The following PDE8A variants were observed in gnomAD, a reference collection of about 807,000 sequenced individuals.
PDE8A encodes phosphodiesterase 8A.
A neutral mutation model predicts 105.0 loss-of-function variants in PDE8A; 59 were observed. That is an observed-to-expected ratio of 0.56 (90% CI 0.46 to 0.70). The LOEUF (loss-of-function observed/expected upper bound fraction) is 0.70, where lower values mean the gene tolerates loss of function less well. PDE8A is among the 30% of genes least tolerant of loss of function. The pLI is 0.00. For missense variants in PDE8A, 1,014 were observed against 1,045.9 expected (o/e 0.97, Z 0.42); for synonymous variants, 355 against 371.9 (o/e 0.95, Z 0.52).
chr15:84,999,452 C>T (rs2080031477), intron 1 of PDE8A, among the ~76,000 whole-genome samples: 1 of 152,074 alleles, frequency 6.6e-6, no homozygotes, highest in Non-Finnish European at 1.5e-5. Context: ...TAAAATATTC[C>T]CTCATTCATT....
At chr15:85,127,950 G>A (rs2082279799) in intron 20 of PDE8A, among the ~76,000 whole-genome samples, 2 of 151,504 alleles carry the variant, frequency 1.3e-5, no homozygotes, top group African/African-American at 4.9e-5. Context: ...GTACAACCAT[G>A]GGACAGAATA....
intron 12 of PDE8A, among the ~76,000 whole-genome samples, chr15:85,110,782 C>G (rs1212527138): frequency 1.3e-5 from 2 of 152,130 alleles, no homozygotes; most frequent in African/African-American, 4.8e-5. Context: ...CATCTTCTCC[C>G]TAGAAGTGGG....
intron 1 of PDE8A, among the ~76,000 whole-genome samples, chr15:85,015,822 T>C (rs1448002703): frequency 1.3e-5 from 2 of 152,166 alleles, no homozygotes; most frequent in African/African-American, 2.4e-5. Flanking sequence ...TTTCCATTTC[T>C]TTATTTCTCC....
chr15:85,022,034 A>G (rs544252486), intron 1 of PDE8A, among the ~76,000 whole-genome samples: 1 of 152,222 alleles, frequency 6.6e-6, no homozygotes, highest in African/African-American at 2.4e-5. Context: ...TTTTAAGACT[A>G]TATACAAATT....
intron 1 of PDE8A, among the ~76,000 whole-genome samples, chr15:85,026,033 C>T (rs1025181927): frequency 6.6e-6 from 1 of 152,142 alleles, no homozygotes; most frequent in African/African-American, 2.4e-5. Flanking sequence ...CTGTTGAGTG[C>T]CAGGCTTCAA....
intron 8 of PDE8A, among the ~76,000 whole-genome samples, chr15:85,094,944 C>G (rs1401566375): frequency 6.6e-6 from 1 of 152,184 alleles, no homozygotes; most frequent in Non-Finnish European, 1.5e-5. Flanking sequence ...TGCCAGGATT[C>G]TATAGTTGAA....
intron 6 of PDE8A, among the ~76,000 whole-genome samples, chr15:85,084,773 A>G (rs1441870359): frequency 6.6e-6 from 1 of 152,126 alleles, no homozygotes; most frequent in Non-Finnish European, 1.5e-5. Context: ...TCTTTCTTCC[A>G]TCTCTAAATC....
At chr15:85,110,506 T>TAAAG (rs1383529060) in intron 12 of PDE8A, among the ~76,000 whole-genome samples, 2 of 152,182 alleles carry the variant, frequency 1.3e-5, no homozygotes, top group Admixed American at 1.3e-4. Flanking sequence ...CACCGTAAAT[T>TAAAG]AATTCGGCCT....
rs2141612952 is a variant in PDE8A, at chr15:85,117,741, G to A, written c.1636G>A (p.Glu546Lys). 2.5e-6 allele frequency: 4 copies of A among 1,613,600 alleles called. No individual in the cohort carries two copies. The highest frequency in any genetic ancestry group is 2.5e-6 in the Non-Finnish European group (3 of 1,179,586). The change falls in exon 17 of 22, where the codon GAA becomes AAA. Residue 546 changes from glutamate to lysine, a missense_variant. Transcript: ENST00000394553. ...STLRSWLQII[E>K]ANYHSSNPYH... ...GCTAAGATCATGGTTACAAATTATC[G>A]AAGCCAATTATCATTCCTCCAATCC...
rs1156380830 is a variant in PDE8A, at chr15:85,137,849, C to T, written c.2436C>T (p.Tyr812=). ...AGCATCTTGACAACAACTTTAAATA[C>T]TGGAAAGGACTGGACGAAATGAAGC... ...LMQHLDNNFK[Y]WKGLDEMKLR... The change falls in exon 22 of 22, where the codon TAC becomes TAT. Residue 812 remains tyrosine, a synonymous_variant. Transcript: ENST00000394553. The T allele has an allele frequency of 1.2e-6, 2 of 1,613,594 alleles. No homozygotes were observed. Among genetic ancestry groups the T allele is most frequent in the East Asian group, 4.5e-5 (2 of 44,886 alleles).
At chr15:85,022,539 A>AG (rs1567233849) in intron 1 of PDE8A, among the ~76,000 whole-genome samples, 3 of 80,866 alleles carry the variant, frequency 3.7e-5, no homozygotes, top group African/African-American at 1.7e-4. Flanking sequence ...ATATATGCAA[A>AG]ATTTTTTTTT....
At chr15:85,099,673 C>T (rs2141561494) in intron 9 of PDE8A, 2 of 238,670 alleles carry the variant, frequency 8.4e-6, no homozygotes, top group East Asian at 2.1e-4. Context: ...TGAAGAAAAG[C>T]ATCAATGTAA....
At chr15:85,130,381 G>A (rs1044081225) in intron 20 of PDE8A, among the ~76,000 whole-genome samples, 2 of 152,068 alleles carry the variant, frequency 1.3e-5, no homozygotes, top group African/African-American at 2.4e-5. Flanking sequence ...TGAGTTTCCC[G>A]GTTTTCCTTC....
At chr15:85,082,472 G>T (rs1004049229) in intron 5 of PDE8A, among the ~76,000 whole-genome samples, 3 of 152,068 alleles carry the variant, frequency 2.0e-5, no homozygotes, top group African/African-American at 7.2e-5. Context: ...AGGAATGTTA[G>T]GTGCCTCATA....
At chr15:85,132,830 T>C (rs1255466113) in intron 20 of PDE8A, among the ~76,000 whole-genome samples, 1 of 117,572 alleles carries the variant, frequency 8.5e-6, no homozygotes, top group Non-Finnish European at 1.6e-5. Context: ...TTTCCTATAG[T>C]TCCTGGTCTG....
intron 20 of PDE8A, among the ~76,000 whole-genome samples, chr15:85,134,751 C>T (rs953191798): frequency 2.0e-5 from 3 of 152,198 alleles, no homozygotes; most frequent in Non-Finnish European, 4.4e-5. Context: ...TCCAGAGGTT[C>T]GCCTGCTTCT....
intron 11 of PDE8A, among the ~76,000 whole-genome samples, chr15:85,101,930 C>A (rs1003593429): frequency 1.3e-5 from 2 of 152,164 alleles, no homozygotes; most frequent in African/African-American, 4.8e-5. Context: ...TTGTTCACCC[C>A]TTTGCCCATT....
chr15:85,022,426 G>GTTTT (rs3042744), intron 1 of PDE8A, among the ~76,000 whole-genome samples: 1 of 134,466 alleles, frequency 7.4e-6, no homozygotes. Flanking sequence ...TATTGGAAGT[G>GTTTT]TTTTTTTTTT....
chr15:85,105,614 G>A (rs2081936679), intron 11 of PDE8A, among the ~76,000 whole-genome samples: 1 of 152,122 alleles, frequency 6.6e-6, no homozygotes, highest in Admixed American at 6.5e-5. Flanking sequence ...TCAAGGAAAT[G>A]CTATTAATTT....
Sources: allele counts gnomAD v4.1 joint callset (sites outside exome capture counted in the v4.1 genomes callset), GRCh38; gene constraint gnomAD v4.1.1; transcripts MANE v1.5; gene names NCBI Gene and HGNC (gene_info 2026-07-23, HGNC 2026-07-21).